The following SV2B variants were observed in gnomAD, a reference collection of about 807,000 sequenced individuals.
The protein encoded by SV2B is solute carrier family 22 member B2.
In SV2B, 41 loss-of-function variants were observed where a neutral mutation model predicts 73.9. The observed-to-expected ratio is 0.56, with a 90% CI of 0.43 to 0.72. The LOEUF is 0.72. Ranked by LOEUF, SV2B falls within the 30% of genes least tolerant of loss-of-function variation. SV2B has a pLI of 0.00. For synonymous variants in SV2B, 314 were observed against 314.2 expected (o/e 1.00, Z 0.01); for missense variants, 764 against 857.8 (o/e 0.89, Z 1.37).
rs56114985 is a variant in SV2B at position 91,277,981 on chromosome 15, G to A, written c.1374-3747G>A. 1.2e-3 allele frequency among the ~76,000 whole-genome samples: 185 copies of A among 152,344 alleles called. 1 individual carries two copies. The highest frequency in any genetic ancestry group is 7.3e-3 in the South Asian group (35 of 4,826). On this transcript the variant is annotated intron_variant, in intron 9 of 12. Transcript: ENST00000394232. ...ATCTTTGAGTGTAAGAAAAGAAAGAGAGGGGAAGTTGGATTTTATTGCCAG... is the reference window on the plus strand; with the variant it reads ...ATCTTTGAGTGTAAGAAAAGAAAGAAAGGGGAAGTTGGATTTTATTGCCAG...
chr15:91,134,004 C>CTTTTTTTTTTTTTTTT lies in SV2B; in HGVS notation c.-392+33653_-392+33654insTTTTTTTTTTTTTTTT, dbSNP rs10637206. ...TGCCTCTTCACCACTTTCTTTCTTC[C>CTTTTTTTTTTTTTTTT]TTTTTTTTTTTTGAGATGGAGTCTT... On this transcript the variant is annotated intron_variant, in intron 1 of 12. Coordinates refer to ENST00000394232, the MANE Select transcript of SV2B (RefSeq NM_001323032.3). 1.5e-3 allele frequency among the ~76,000 whole-genome samples: 160 copies of CTTTTTTTTTTTTTTTT among 106,196 alleles called. 18 individuals carry two copies. Among genetic ancestry groups the CTTTTTTTTTTTTTTTT allele is most frequent in the African/African-American group, 4.6e-3 (115 of 25,112 alleles). 69.7% of individuals were successfully genotyped at this position (106,196 alleles called of 152,430 possible). A position where few individuals can be genotyped will look rare whatever the true frequency, so the allele number is the denominator to read the frequency against.
chr15:91,153,201 A>T (rs573295983), intron 1 of SV2B, among the ~76,000 whole-genome samples: 2 of 152,260 alleles, frequency 1.3e-5, no homozygotes, highest in African/African-American at 4.8e-5. Flanking sequence ...TGACTTACTT[A>T]CTTCACCTCC....
chr15:91,163,167 T>C (rs1263362856), intron 1 of SV2B, among the ~76,000 whole-genome samples: 1 of 152,244 alleles, frequency 6.6e-6, no homozygotes, highest in African/African-American at 2.4e-5. Flanking sequence ...CTATCATTGA[T>C]GGACATTTTG....
intron 2 of SV2B, among the ~76,000 whole-genome samples, chr15:91,246,807 A>G (rs1356292211): frequency 6.6e-6 from 1 of 151,536 alleles, no homozygotes; most frequent in African/African-American, 2.4e-5. Context: ...AATTTCCTCA[A>G]AAATCTCAGT....
chr15:91,153,455 G>A (rs1241612128), intron 1 of SV2B, among the ~76,000 whole-genome samples: 2 of 152,252 alleles, frequency 1.3e-5, no homozygotes, highest in East Asian at 3.9e-4. Context: ...CTTGGGGCAG[G>A]CATTTAGCTT....
At chr15:91,154,351 C>T (rs920503220) in intron 1 of SV2B, among the ~76,000 whole-genome samples, 3 of 151,940 alleles carry the variant, frequency 2.0e-5, no homozygotes, top group Non-Finnish European at 4.4e-5. Flanking sequence ...CATGGTAGCA[C>T]AAAAACATGG....
rs891743610 is a variant in SV2B at position 91,132,732 on chromosome 15, G to A, written c.-392+32369G>A. Among the ~76,000 whole-genome samples the A allele has an allele frequency of 6.6e-6, 1 of 152,140 alleles. No individual in the cohort carries two copies. The highest frequency in any genetic ancestry group is 2.4e-5 in the African/African-American group (1 of 41,448). ...GCACATGCCTGTAGTCCCAGCTACT[G>A]GAGAGGCTGAGGTGGGAGGATCCGT... On this transcript the variant is annotated intron_variant, in intron 1 of 12. Coordinates refer to ENST00000394232, the MANE Select transcript of SV2B (RefSeq NM_001323032.3). This position sits in a 1 kb window ranked among gnomAD's most constrained non-coding sequence, Gnocchi z 4.6.
rs1047988377 is a variant in SV2B, at chr15:91,122,964, A to G, written c.-392+22601A>G. ...AACCTGGTAGCTATAGTTAATAACA[A>G]TGTATTGTATTCTTGAAAATTGCTG... On this transcript the variant is annotated intron_variant, in intron 1 of 12. Coordinates refer to ENST00000394232, the MANE Select transcript of SV2B (RefSeq NM_001323032.3). This position sits in a 1 kb window ranked among gnomAD's most constrained non-coding sequence, Gnocchi z 4.3. Among the ~76,000 whole-genome samples, 1 of 152,192 alleles carries G rather than the reference A, an allele frequency of 6.6e-6. No homozygotes were observed. The highest frequency in any genetic ancestry group is 1.9e-4 in the East Asian group (1 of 5,202).
chr15:91,247,601 C>T (rs1165980657), intron 2 of SV2B, among the ~76,000 whole-genome samples: 1 of 152,138 alleles, frequency 6.6e-6, no homozygotes, highest in Non-Finnish European at 1.5e-5. Flanking sequence ...AAGAGAGGCC[C>T]TGGCTGGCAG....
chr15:91,163,350 C>T (rs2043794135), intron 1 of SV2B, among the ~76,000 whole-genome samples: 1 of 152,212 alleles, frequency 6.6e-6, no homozygotes, highest in Admixed American at 6.5e-5. Flanking sequence ...CTGATTTCCA[C>T]AATGGTTGAA....
intron 6 of SV2B, among the ~76,000 whole-genome samples, chr15:91,263,954 T>C (rs1209799880): frequency 6.6e-6 from 1 of 152,254 alleles, no homozygotes; most frequent in African/African-American, 2.4e-5. Context: ...GAGAGTGTCT[T>C]TCTGGGATTT....
At chr15:91,107,957 T>G (rs1015035755) in intron 1 of SV2B, among the ~76,000 whole-genome samples, 1 of 152,150 alleles carries the variant, frequency 6.6e-6, no homozygotes, top group Admixed American at 6.5e-5. Context: ...CATTATTTAA[T>G]TTCCCTGAGC....
intron 1 of SV2B, among the ~76,000 whole-genome samples, chr15:91,104,701 C>G (rs2041830554): frequency 6.6e-6 from 1 of 152,188 alleles, no homozygotes; most frequent in Non-Finnish European, 1.5e-5. Flanking sequence ...GGTGCGATCT[C>G]AGCTCACTGC....
rs577190920 is a variant in SV2B at position 91,301,840 on chromosome 15, G to A, written c.*9288G>A. Among the ~76,000 whole-genome samples the A allele has an allele frequency of 3.9e-5, 6 of 152,302 alleles. No homozygotes were observed. Among genetic ancestry groups the A allele is most frequent in the African/African-American group, 7.2e-5 (3 of 41,558 alleles). On this transcript the variant is annotated 3_prime_UTR_variant, in exon 13 of 13. Transcript: ENST00000394232. The surrounding 1 kb of genome is among the most constrained non-coding windows in gnomAD (Gnocchi z 4.3). ...CAGTGAGCTTTTCCTTGGAGTACAC[G>A]TTGGCGCTCAAAAAGTTTTCAATTT...
At chr15:91,181,646 TATC>T (rs940405560) in intron 1 of SV2B, among the ~76,000 whole-genome samples, 21 of 152,056 alleles carry the variant, frequency 1.4e-4, no homozygotes, top group Non-Finnish European at 2.9e-5. Flanking sequence ...TTCAGCTTAT[TATC>T]TGTAAATAAT....
intron 1 of SV2B, among the ~76,000 whole-genome samples, chr15:91,176,335 G>A (rs1192089062): frequency 6.6e-6 from 1 of 151,808 alleles, no homozygotes; most frequent in Non-Finnish European, 1.5e-5. Flanking sequence ...ATTGTGAATA[G>A]TGCCGCAATA....
intron 1 of SV2B, among the ~76,000 whole-genome samples, chr15:91,134,517 G>T (rs922792100): frequency 6.6e-6 from 1 of 152,126 alleles, no homozygotes; most frequent in African/African-American, 2.4e-5. Flanking sequence ...GCGAAAAGGG[G>T]GTGCTTTTTA....
At position 91,226,209 on chromosome 15, in the gene SV2B, C is replaced by A; in HGVS notation, c.-55C>A. On this transcript the variant is annotated 5_prime_UTR_variant, in exon 2 of 13. Transcript: ENST00000394232. ...GTTATTGAAATAGCCCAAACCTCTA[C>A]CACAGAGCGAGGGATATAGCTCAAG... 6.4e-7 allele frequency: 1 copy of A among 1,558,362 alleles called. No individual in the cohort carries two copies. The highest frequency in any genetic ancestry group is 1.7e-4 in the Middle Eastern group (1 of 5,846).
chr15:91,288,105 C>T lies in SV2B; in HGVS notation c.1709-1416C>T, dbSNP rs567692050. Among the ~76,000 whole-genome samples the T allele has an allele frequency of 1.1e-4, 17 of 152,164 alleles. No homozygotes were observed. Among genetic ancestry groups the T allele is most frequent in the South Asian group, 1.0e-3 (5 of 4,818 alleles). ...TACAGAGCACATGTACAGAGGATAGCGCAGGGCTGAGAAGGGCAAGTCAGA... is the reference window on the plus strand; with the variant it reads ...TACAGAGCACATGTACAGAGGATAGTGCAGGGCTGAGAAGGGCAAGTCAGA... On this transcript the variant is annotated intron_variant, in intron 11 of 12. Coordinates refer to ENST00000394232, the MANE Select transcript of SV2B (RefSeq NM_001323032.3). This position sits in a 1 kb window ranked among gnomAD's most constrained non-coding sequence, Gnocchi z 5.8.
Sources: gnomAD v4.1 joint callset for allele counts (sites outside exome capture counted in the v4.1 genomes callset) on GRCh38, gnomAD v4.1.1 for gene constraint, Gnocchi (gnomAD v3.1) non-coding constraint, MANE v1.5 for transcripts, NCBI Gene and HGNC (gene_info 2026-07-23, HGNC 2026-07-21) for gene names.